KCNA6: variants seen among roughly 807,000 people sequenced by gnomAD.
KCNA6 encodes the protein human brain potassium channel-2.
Under a neutral mutation model 29.5 loss-of-function variants are expected in KCNA6, and 17 were observed. That is an observed-to-expected ratio of 0.58 (90% CI 0.39 to 0.86). KCNA6 has a LOEUF of 0.86. KCNA6 is among the 40% of genes least tolerant of loss of function. KCNA6 has a pLI of 0.00. For synonymous variants in KCNA6, 296 were observed against 304.7 expected, an observed-to-expected ratio of 0.97 and a Z score of 0.30; for missense variants, 450 against 703.4, an observed-to-expected ratio of 0.64 and a Z score of 4.07.
the KCNA6 span, among the ~76,000 whole-genome samples, chr12:4,836,455 T>G: frequency 6.6e-6 from 1 of 152,114 alleles, no homozygotes; most frequent in South Asian, 2.1e-4. Flanking sequence ...AGCAGGGCCT[T>G]GGAAGATGAC....
chr12:4,836,139 G>T, the KCNA6 span, among the ~76,000 whole-genome samples: 1 of 148,642 alleles, frequency 6.7e-6, no homozygotes, highest in African/African-American at 2.5e-5. Flanking sequence ...TAGTAGAGAC[G>T]GGCTTTCACC....
the KCNA6 span, among the ~76,000 whole-genome samples, chr12:4,840,222 TC>T: frequency 5.3e-4 from 22 of 41,440 alleles, no homozygotes; most frequent in Middle Eastern, 0.037. Context: ...TATCTATCTA[TC>T]TATCTATCTA....
the KCNA6 span, among the ~76,000 whole-genome samples, chr12:4,847,043 TA>T: frequency 6.6e-6 from 1 of 151,512 alleles, no homozygotes; most frequent in Non-Finnish European, 1.5e-5. Context: ...CTTGGCCTCT[TA>T]AAGTGCTGGG....
the KCNA6 span, among the ~76,000 whole-genome samples, chr12:4,819,048 A>C: frequency 5.9e-5 from 9 of 152,180 alleles, no homozygotes; most frequent in Non-Finnish European, 1.2e-4. Flanking sequence ...ACGTATATGC[A>C]CACACAAACA....
At chr12:4,836,002 C>T in the KCNA6 span, among the ~76,000 whole-genome samples, 49 of 148,354 alleles carry the variant, frequency 3.3e-4, no homozygotes, top group African/African-American at 1.1e-3. Flanking sequence ...TGCAATGGCA[C>T]AACCTTGGCT....
downstream of KCNA6, among the ~76,000 whole-genome samples, chr12:4,816,319 A>C (rs1204005657): frequency 6.6e-6 from 1 of 151,034 alleles, no homozygotes; most frequent in African/African-American, 2.4e-5. Context: ...TCGTTTTGAC[A>C]TCAAATTGTT....
At chr12:4,816,458 A>G (rs528535989), downstream of KCNA6, among the ~76,000 whole-genome samples, 3 of 152,136 alleles carry the variant, frequency 2.0e-5, no homozygotes, top group Admixed American at 2.0e-4. Flanking sequence ...ATTATTCATT[A>G]TACAGGACTA....
the KCNA6 span, among the ~76,000 whole-genome samples, chr12:4,840,094 A>G: frequency 6.6e-6 from 1 of 152,210 alleles, no homozygotes; most frequent in South Asian, 2.1e-4. Flanking sequence ...TAAACTCTAT[A>G]TGAAAGGGTT....
the KCNA6 span, among the ~76,000 whole-genome samples, chr12:4,835,296 G>A: frequency 2.6e-5 from 4 of 151,868 alleles, no homozygotes; most frequent in Non-Finnish European, 5.9e-5. Flanking sequence ...CACTGCGCCT[G>A]GCTAATTTTT....
chr12:4,838,677 T>C, the KCNA6 span, among the ~76,000 whole-genome samples: 3 of 152,218 alleles, frequency 2.0e-5, no homozygotes, highest in Non-Finnish European at 4.4e-5. Context: ...GACTTATTTT[T>C]TAACTGCTGT....
chr12:4,846,765 CTTTTTT>C, the KCNA6 span, among the ~76,000 whole-genome samples: 2 of 100,674 alleles, frequency 2.0e-5, no homozygotes, highest in African/African-American at 4.1e-5. Context: ...TGGAACACCT[CTTTTTT>C]TTTTTTTTTT....
chr12:4,814,798 A>G (rs1288076460), downstream of KCNA6: 1 of 166,970 alleles, frequency 6.0e-6, no homozygotes, highest in African/African-American at 2.4e-5. This position sits in a 1 kb window ranked among gnomAD's most constrained non-coding sequence, Gnocchi z 4.6. Flanking sequence ...GTTCTACTGG[A>G]GGGGAATTTT....
At chr12:4,842,131 G>A in the KCNA6 span, among the ~76,000 whole-genome samples, 47,854 of 151,214 alleles carry the variant, frequency 0.32, 7,730 homozygotes, top group South Asian at 0.39. Flanking sequence ...TTGCCACTGC[G>A]CATATGTTAC....
the KCNA6 span, among the ~76,000 whole-genome samples, chr12:4,831,860 C>T: frequency 3.3e-5 from 5 of 152,086 alleles, no homozygotes; most frequent in East Asian, 1.9e-4. Flanking sequence ...CCTGGCTCTC[C>T]GAGTCACTAG....
At chr12:4,834,620 G>A in the KCNA6 span, among the ~76,000 whole-genome samples, 5,349 of 152,190 alleles carry the variant, frequency 0.035, 132 homozygotes, top group Non-Finnish European at 0.055. Flanking sequence ...TATCACCAGT[G>A]GGTTCTGACA....
exon 1 of KCNA6, chr12:4,809,557 T>A (rs1379272946): frequency 6.6e-6 from 1 of 152,198 alleles, no homozygotes; most frequent in Non-Finnish European, 1.5e-5. Flanking sequence ...CCGCCAGGAG[T>A]CTTTGCCGAG....
the KCNA6 span, among the ~76,000 whole-genome samples, chr12:4,830,822 G>T: frequency 1.3e-5 from 2 of 152,320 alleles, no homozygotes; most frequent in African/African-American, 2.4e-5. Context: ...TGCGGGCAGG[G>T]GCGCTGCACC....
the KCNA6 span, among the ~76,000 whole-genome samples, chr12:4,818,841 CA>C: frequency 1.2e-5 from 1 of 84,058 alleles, no homozygotes; most frequent in Admixed American, 1.2e-4. Flanking sequence ...TGAAAGTGCA[CA>C]CACACACACA....
the KCNA6 span, among the ~76,000 whole-genome samples, chr12:4,835,329 T>A: frequency 6.6e-6 from 1 of 151,972 alleles, no homozygotes; most frequent in East Asian, 1.9e-4. Flanking sequence ...AGAGACGGGG[T>A]TTCACCGTGT....
Sources: allele counts gnomAD v4.1 joint callset (sites outside exome capture counted in the v4.1 genomes callset), GRCh38; gene constraint gnomAD v4.1.1; non-coding constraint Gnocchi (gnomAD v3.1); transcripts MANE v1.5; gene names NCBI Gene and HGNC (gene_info 2026-07-23, HGNC 2026-07-21).